The following NTNG1 variants were observed in gnomAD, a reference collection of about 807,000 sequenced individuals.
NTNG1 encodes netrin-G1.
Under a neutral mutation model 54.0 loss-of-function variants are expected in NTNG1, and 16 were observed. That is an observed-to-expected ratio of 0.30 (90% confidence interval 0.20 to 0.45). The LOEUF (loss-of-function observed/expected upper bound fraction) is 0.45, where lower values mean the gene tolerates loss of function less well. Among genes scored for constraint, NTNG1 ranks in the 20% least tolerant of loss-of-function variants. NTNG1 has a pLI of 1.00. For synonymous variants in NTNG1, 255 were observed against 263.1 expected (o/e 0.97, Z 0.30); for missense variants, 530 against 678.7 (o/e 0.78, Z 2.43).
At chr1:107,194,977 G>A (rs1658213864) in intron 2 of NTNG1, among the ~76,000 whole-genome samples, 1 of 151,876 alleles carries the variant, frequency 6.6e-6, no homozygotes, top group Non-Finnish European at 1.5e-5. Flanking sequence ...CAGACTTTGA[G>A]GCATAACCCT....
At chr1:107,164,951 T>C (rs1570743140) in intron 2 of NTNG1, among the ~76,000 whole-genome samples, 1 of 152,068 alleles carries the variant, frequency 6.6e-6, no homozygotes, top group Non-Finnish European at 1.5e-5. Context: ...TTGGCTAGGG[T>C]TGGACCGCAC....
intron 2 of NTNG1, among the ~76,000 whole-genome samples, chr1:107,267,230 A>G (rs1259771440): frequency 6.6e-6 from 1 of 152,200 alleles, no homozygotes; most frequent in Non-Finnish European, 1.5e-5. Flanking sequence ...AATACATCTT[A>G]AACACCTTGT....
At chr1:107,351,712 C>A (rs909249327) in intron 3 of NTNG1, among the ~76,000 whole-genome samples, 2 of 152,188 alleles carry the variant, frequency 1.3e-5, no homozygotes, top group Non-Finnish European at 2.9e-5. Flanking sequence ...TATAATCATG[C>A]CTTCCCAGCA....
At chr1:107,393,749 G>A (rs17018855) in intron 3 of NTNG1, among the ~76,000 whole-genome samples, 3,084 of 151,734 alleles carry the variant, frequency 0.02, 40 homozygotes, top group Middle Eastern at 0.058. Context: ...TTTCCTTGCC[G>A]TAAGTATGGG....
At chr1:107,448,197 A>G (rs1676416865) in intron 7 of NTNG1, among the ~76,000 whole-genome samples, 1 of 152,014 alleles carries the variant, frequency 6.6e-6, no homozygotes, top group Admixed American at 6.6e-5. Flanking sequence ...AACCTTAACA[A>G]TGTTCTGGTT....
chr1:107,423,923 G>C (rs76561397), intron 5 of NTNG1, among the ~76,000 whole-genome samples: 4,023 of 152,110 alleles, frequency 0.026, 91 homozygotes, highest in Non-Finnish European at 0.044. Context: ...AAAGGAAGGG[G>C]TCTCAGGATC....
intron 2 of NTNG1, among the ~76,000 whole-genome samples, chr1:107,154,781 A>G (rs1654852397): frequency 6.6e-6 from 1 of 151,238 alleles, no homozygotes; most frequent in Admixed American, 6.6e-5. Flanking sequence ...TGGAATATAT[A>G]TATGTATATA....
intron 3 of NTNG1, among the ~76,000 whole-genome samples, chr1:107,389,463 C>T (rs1288290107): frequency 6.6e-6 from 1 of 152,116 alleles, no homozygotes; most frequent in Non-Finnish European, 1.5e-5. Flanking sequence ...GTTTTTCATA[C>T]CTACTGGCAG....
intron 3 of NTNG1, among the ~76,000 whole-genome samples, chr1:107,386,145 G>GTATA (rs1557954565): frequency 2.1e-5 from 1 of 46,538 alleles, no homozygotes; most frequent in Non-Finnish European, 6.4e-5. Context: ...ATATATATAT[G>GTATA]TGTGTATATA....
At chr1:107,279,055 T>C (rs926849521) in intron 2 of NTNG1, among the ~76,000 whole-genome samples, 1 of 152,198 alleles carries the variant, frequency 6.6e-6, no homozygotes, top group African/African-American at 2.4e-5. Context: ...TATGACTACA[T>C]TGATGTTGGT....
Position 107,483,953 on chromosome 1 carries a change from G to A in NTNG1, c.*3113G>A, listed in dbSNP as rs1558035442. Among the ~76,000 whole-genome samples, 1 of 152,132 alleles carries A rather than the reference G, an allele frequency of 6.6e-6. No individual in the cohort carries two copies. The highest frequency in any genetic ancestry group is 2.4e-5 in the African/African-American group (1 of 41,430). On this transcript the variant is annotated 3_prime_UTR_variant, in exon 8 of 8. Coordinates refer to ENST00000370068, the MANE Select transcript of NTNG1 (RefSeq NM_001113226.3). ...GAAGAATTTAGTCCAGCAAAGAGGGGACCTTGCTTAGAGAGACCCATTCTG... is the reference window on the plus strand; with the variant it reads ...GAAGAATTTAGTCCAGCAAAGAGGGAACCTTGCTTAGAGAGACCCATTCTG...
intron 3 of NTNG1, among the ~76,000 whole-genome samples, chr1:107,343,244 C>G (rs926030970): frequency 6.6e-6 from 1 of 152,134 alleles, no homozygotes; most frequent in Non-Finnish European, 1.5e-5. Flanking sequence ...AGGGAATGTT[C>G]CTTAATCCTG....
intron 2 of NTNG1, among the ~76,000 whole-genome samples, chr1:107,198,684 G>C (rs1024573695): frequency 2.0e-5 from 3 of 151,876 alleles, no homozygotes; most frequent in African/African-American, 7.3e-5. Context: ...CCTTTTGTTA[G>C]TTGTGTGACC....
At position 107,481,081 on chromosome 1, in the gene NTNG1, C is replaced by T. The variant is rs1364057797; in HGVS notation, c.*241C>T. On this transcript the variant is annotated 3_prime_UTR_variant, in exon 8 of 8. Coordinates refer to ENST00000370068, the MANE Select transcript of NTNG1 (RefSeq NM_001113226.3). ...CTGTTGATATTATCACTGCAAATCA[C>T]ATTGCCAGCTGCAGAGCATATTGTG... 3.9e-6 allele frequency: 2 copies of T among 507,704 alleles called. No individual in the cohort carries two copies. Among genetic ancestry groups the T allele is most frequent in the Non-Finnish European group, 3.5e-6 (1 of 284,704 alleles). The allele number at this position is 507,704 out of a possible 1,614,324, so 31.4% of individuals were successfully genotyped here.
chr1:107,393,315 A>G (rs1230538647), intron 3 of NTNG1, among the ~76,000 whole-genome samples: 2 of 152,190 alleles, frequency 1.3e-5, no homozygotes, highest in Non-Finnish European at 2.9e-5. Flanking sequence ...GGTTTTAAAC[A>G]TCCTCCGTAT....
At chr1:107,421,221 T>C in intron 5 of NTNG1, 2 of 1,005,450 alleles carry the variant, frequency 2.0e-6, no homozygotes, top group South Asian at 2.7e-5. Context: ...ATCTGGAATA[T>C]CTGTGAAGTG....
intron 2 of NTNG1, among the ~76,000 whole-genome samples, chr1:107,257,255 G>A (rs544195083): frequency 6.6e-6 from 1 of 152,242 alleles, no homozygotes; most frequent in African/African-American, 2.4e-5. Flanking sequence ...ATCTTAGGAG[G>A]TCCTCGTGGA....
chr1:107,250,869 G>A (rs1192438612), intron 2 of NTNG1, among the ~76,000 whole-genome samples: 1 of 152,174 alleles, frequency 6.6e-6, no homozygotes, highest in East Asian at 1.9e-4. Flanking sequence ...GTGGGAATCT[G>A]GTAGCATCAC....
chr1:107,455,078 T>C (rs1365180183), intron 7 of NTNG1, among the ~76,000 whole-genome samples: 1 of 151,306 alleles, frequency 6.6e-6, no homozygotes, highest in Non-Finnish European at 1.5e-5. Flanking sequence ...TTTTTTTTTT[T>C]CTGAGACTGA....
Sources: allele counts gnomAD v4.1 joint callset (sites outside exome capture counted in the v4.1 genomes callset), GRCh38; gene constraint gnomAD v4.1.1; transcripts MANE v1.5; gene names NCBI Gene and HGNC (gene_info 2026-07-23, HGNC 2026-07-21).